Variants in MARCHF1 observed in about 807,000 individuals in gnomAD.
MARCHF1 encodes membrane associated ring-CH-type finger 1, also known as E3 ubiquitin-protein ligase MARCHF1.
MARCHF1 carries 40 observed loss-of-function variants against 54.2 expected under a neutral mutation model. The ratio of observed to expected loss-of-function variants is 0.74; its 90% CI spans 0.57 to 0.96. MARCHF1 has a LOEUF of 0.96. Among genes scored for constraint, MARCHF1 ranks in the 40% least tolerant of loss-of-function variants. The probability of loss-of-function intolerance (pLI) is 0.00; values close to 1 mark genes in which losing one functional copy is unlikely to be tolerated. For synonymous variants in MARCHF1, 236 were observed against 236.3 expected, an observed-to-expected ratio of 1.00 and a Z score of 0.01; for missense variants, 586 against 656.5, an observed-to-expected ratio of 0.89 and a Z score of 1.17.
chr4:164,025,851 A>G (rs570705873), intron 2 of MARCHF1, among the ~76,000 whole-genome samples: 4 of 152,196 alleles, frequency 2.6e-5, no homozygotes, highest in African/African-American at 9.6e-5. Context: ...AAAGAAAAAA[A>G]TATTTAAATA....
intron 3 of MARCHF1, among the ~76,000 whole-genome samples, chr4:163,891,560 A>G (rs926218022): frequency 1.3e-5 from 2 of 152,116 alleles, no homozygotes; most frequent in Non-Finnish European, 2.9e-5. Context: ...ACAACCACCA[A>G]AAAAAGCTAA....
intron 1 of MARCHF1, among the ~76,000 whole-genome samples, chr4:164,305,608 A>C (rs1205522397): frequency 6.6e-6 from 1 of 152,184 alleles, no homozygotes; most frequent in Non-Finnish European, 1.5e-5. Context: ...AAGAAAAAAT[A>C]AAATATTTAT....
At chr4:164,158,310 T>C (rs1167476675) in intron 1 of MARCHF1, among the ~76,000 whole-genome samples, 4 of 152,176 alleles carry the variant, frequency 2.6e-5, no homozygotes, top group African/African-American at 7.2e-5. Context: ...GTATTTTTCC[T>C]TTTATAAAAG....
At chr4:164,108,705 T>C (rs543931847) in intron 2 of MARCHF1, among the ~76,000 whole-genome samples, 22 of 152,180 alleles carry the variant, frequency 1.4e-4, no homozygotes, top group African/African-American at 5.3e-4. Flanking sequence ...ATTTTATCTC[T>C]ACAAAGTTTC....
intron 3 of MARCHF1, among the ~76,000 whole-genome samples, chr4:163,859,175 A>G (rs1018980328): frequency 1.2e-4 from 18 of 152,168 alleles, no homozygotes; most frequent in Admixed American, 6.5e-4. Flanking sequence ...ATATATATTT[A>G]GTGTACAGAT....
At chr4:163,668,911 G>A (rs1218696299) in intron 5 of MARCHF1, among the ~76,000 whole-genome samples, 1 of 152,058 alleles carries the variant, frequency 6.6e-6, no homozygotes, top group Non-Finnish European at 1.5e-5. Context: ...TGTGTGGGCC[G>A]ACCTGAGATT....
chr4:164,269,384 C>G (rs1733688058), intron 1 of MARCHF1, among the ~76,000 whole-genome samples: 1 of 151,746 alleles, frequency 6.6e-6, no homozygotes, highest in Non-Finnish European at 1.5e-5. Flanking sequence ...CTGTTTCTGC[C>G]AGTAAGTTAA....
chr4:164,115,374 G>A (rs1005679646), intron 1 of MARCHF1, among the ~76,000 whole-genome samples: 1 of 151,996 alleles, frequency 6.6e-6, no homozygotes, highest in Non-Finnish European at 1.5e-5. Context: ...ATGAAGATAT[G>A]GCATGTTGTT....
chr4:163,923,568 T>C (rs1351275712), intron 3 of MARCHF1, among the ~76,000 whole-genome samples: 2 of 152,128 alleles, frequency 1.3e-5, no homozygotes, highest in African/African-American at 4.8e-5. Context: ...AGAAGGATAC[T>C]ATCTTATATG....
At chr4:163,932,813 A>T in intron 3 of MARCHF1, 1 of 617,138 alleles carries the variant, frequency 1.6e-6, no homozygotes. Context: ...TGGTCCTGGA[A>T]TTGTTGGATA....
chr4:163,719,292 GT>G (rs1451309421), intron 4 of MARCHF1, among the ~76,000 whole-genome samples: 5 of 150,054 alleles, frequency 3.3e-5, no homozygotes, highest in African/African-American at 1.2e-4. Context: ...TTGGTTTTTT[GT>G]TCTTGCGATA....
At chr4:164,338,630 A>C in intron 1 of MARCHF1, among the ~76,000 whole-genome samples, 1 of 152,234 alleles carries the variant, frequency 6.6e-6, no homozygotes, top group South Asian at 2.1e-4. Context: ...ACAGACTTTA[A>C]GTCAGAAACT....
chr4:163,563,080 A>G (rs754124348), intron 8 of MARCHF1, among the ~76,000 whole-genome samples: 12 of 152,212 alleles, frequency 7.9e-5, no homozygotes, highest in Non-Finnish European at 1.3e-4. Flanking sequence ...AACTACAAAT[A>G]TATTAATTCC....
intron 2 of MARCHF1, among the ~76,000 whole-genome samples, chr4:164,093,614 A>G (rs1020612479): frequency 3.3e-5 from 5 of 152,150 alleles, no homozygotes; most frequent in Non-Finnish European, 4.4e-5. Flanking sequence ...CCCAGGAGAA[A>G]TGGAATAGTG....
intron 1 of MARCHF1, among the ~76,000 whole-genome samples, chr4:164,376,718 G>A (rs542996221): frequency 3.9e-5 from 6 of 152,258 alleles, no homozygotes; most frequent in South Asian, 2.1e-4. Context: ...CATGGACCAC[G>A]GTCAGAAGCA....
intron 4 of MARCHF1, among the ~76,000 whole-genome samples, chr4:163,745,707 G>A (rs17577474): frequency 0.29 from 43,601 of 152,062 alleles, 7,370 homozygotes; most frequent in Non-Finnish European, 0.39. Context: ...AGCTAGCAAT[G>A]TAAAAGCAAG....
chr4:163,533,170 T>C (rs750688560), intron 9 of MARCHF1, among the ~76,000 whole-genome samples: 25 of 151,944 alleles, frequency 1.6e-4, no homozygotes, highest in Non-Finnish European at 2.9e-4. Context: ...TATTTAGTGA[T>C]TAAAAAGAAA....
chr4:163,998,489 T>C (rs1753123100), intron 2 of MARCHF1, among the ~76,000 whole-genome samples: 1 of 151,732 alleles, frequency 6.6e-6, no homozygotes, highest in East Asian at 1.9e-4. Flanking sequence ...CATTACCTCA[T>C]ACACTTATTT....
At chr4:164,176,688 C>T (rs1020656206) in intron 1 of MARCHF1, among the ~76,000 whole-genome samples, 2 of 151,674 alleles carry the variant, frequency 1.3e-5, no homozygotes, top group African/African-American at 2.4e-5. Context: ...TTTTGTGTTG[C>T]TAATTTTATT....
Sources: allele counts gnomAD v4.1 joint callset (sites outside exome capture counted in the v4.1 genomes callset), GRCh38; gene constraint gnomAD v4.1.1; transcripts MANE v1.5; gene names NCBI Gene and HGNC (gene_info 2026-07-23, HGNC 2026-07-21).